NKX2-4: variants seen among roughly 807,000 people sequenced by gnomAD.
NKX2-4 encodes NK2 homeobox 4.
Under a neutral mutation model 8.6 loss-of-function variants are expected in NKX2-4, and 6 were observed. The ratio of observed to expected loss-of-function variants is 0.70; its 90% CI spans 0.38 to 1.38. NKX2-4 has a LOEUF of 1.38. Ranked by LOEUF, NKX2-4 falls within the 40% of genes most tolerant of loss-of-function variation. The probability of loss-of-function intolerance (pLI) is 0.02; values close to 1 mark genes in which losing one functional copy is unlikely to be tolerated. For synonymous variants in NKX2-4, 299 were observed against 272.6 expected (o/e 1.10, Z -0.95); for missense variants, 601 against 548.4 (o/e 1.10, Z -0.96).
In NKX2-4 at chr20:21,395,896, G is replaced by T; in HGVS notation, c.*15C>A. 7.6e-7 allele frequency: 1 copy of T among 1,312,328 alleles called. No homozygotes were observed. Among genetic ancestry groups the T allele is most frequent in the South Asian group, 2.8e-5 (1 of 36,208 alleles). 81.3% of individuals were successfully genotyped at this position (1,312,328 alleles called of 1,614,324 possible). On this transcript the variant is annotated 3_prime_UTR_variant, in exon 2 of 2. Transcript: ENST00000351817. ...TTCGGGTGCACCAGGACCTAGCCCC[G>T]GGGCGCCCTCGCTGTCACCACGTCC...
At position 21,396,430 on chromosome 20, in the gene NKX2-4, C is replaced by T. The variant is rs757856518; in HGVS notation, c.546G>A (p.Ala182=). ...TCCTTCGCGGAGCGGCTGCCGCCGCCGCCGCGTGCAGCGGGCCCAGCGACT... is the reference window on the plus strand; with the variant it reads ...TCCTTCGCGGAGCGGCTGCCGCCGCTGCCGCGTGCAGCGGGCCCAGCGACT... ...AAKSLGPLHA[A]AAAAAPRRKR... is the part of the protein sequence containing the mutation. Residue 182 remains alanine, a synonymous_variant, in exon 2 of 2, where the codon GCG becomes GCA. Transcript: ENST00000351817. 31 of 1,518,572 alleles carry T rather than the reference C, an allele frequency of 2.0e-5. No individual in the cohort carries two copies. Among genetic ancestry groups the T allele is most frequent in the East Asian group, 2.6e-5 (1 of 38,168 alleles). The allele number at this position is 1,518,572 out of a possible 1,614,324, so 94.1% of individuals were successfully genotyped here.
chr20:21,396,148 C>G lies in NKX2-4; in HGVS notation c.828G>C (p.Ala276=), dbSNP rs1168331057. The G allele has an allele frequency of 2.0e-6, 3 of 1,467,316 alleles. No homozygotes were observed. The highest frequency in any genetic ancestry group is 1.4e-5 in the South Asian group (1 of 73,218). 90.9% of individuals were successfully genotyped at this position (1,467,316 alleles called of 1,614,324 possible). ...PPPPPSPRRV[A]VPVLVKDGKP... is the part of the protein sequence containing the mutation. ...TGCCGTCCTTGACCAGCACAGGCAC[C>G]GCCACGCGGCGCGGGGACGGCGGCG... Residue 276 remains alanine, a synonymous_variant, in exon 2 of 2, where the codon GCG becomes GCC. Coordinates refer to ENST00000351817, the MANE Select transcript of NKX2-4 (RefSeq NM_033176.2).
Position 21,397,379 on chromosome 20 carries a change from G to C in NKX2-4, c.21C>G (p.His7Gln), listed in dbSNP as rs368288200. 5.6e-6 allele frequency: 8 copies of C among 1,439,750 alleles called. No individual in the cohort carries two copies. Among genetic ancestry groups the C allele is most frequent in the Non-Finnish European group, 7.3e-6 (8 of 1,095,190 alleles). The allele number at this position is 1,439,750 out of a possible 1,614,324, so 89.2% of individuals were successfully genotyped here. The change falls in exon 1 of 2, where the codon CAC becomes CAG. Residue 7 changes from histidine to glutamine, a missense_variant. By Grantham distance (24) the His-to-Gln change is conservative. Transcript: ENST00000351817. ...TGTCGGACACGGAGAAGGGCGTCGT[G>C]TGCTTTGGGCTCAACGACATGGCTC... MSLSPK[H>Q]TTPFSVSDIL...
At position 21,397,481 on chromosome 20, in the gene NKX2-4, G is replaced by A. The variant is rs1458308845; in HGVS notation, c.-82C>T. On this transcript the variant is annotated 5_prime_UTR_variant, in exon 1 of 2. Transcript: ENST00000351817. ...GCCGCTCGTCGCCGCCACCTCGGCC[G>A]CGGCAGCTGAGCCTGTGACGAGGAG... 5.7e-6 allele frequency: 7 copies of A among 1,225,522 alleles called. No individual in the cohort carries two copies. The highest frequency in any genetic ancestry group is 7.1e-6 in the Non-Finnish European group (7 of 987,508). 75.9% of individuals were successfully genotyped at this position (1,225,522 alleles called of 1,614,324 possible).
In NKX2-4 at chr20:21,396,157, G is replaced by C; in HGVS notation, c.819C>G (p.Arg273=). 1 of 1,479,822 alleles carries C rather than the reference G, an allele frequency of 6.8e-7. No individual in the cohort carries two copies. The allele number at this position is 1,479,822 out of a possible 1,614,324, so 91.7% of individuals were successfully genotyped here. A position where few individuals can be genotyped will look rare whatever the true frequency, so the allele number is the denominator to read the frequency against. The stretch of plus-strand genomic sequence containing the variant: ...TGACCAGCACAGGCACCGCCACGCG[G>C]CGCGGGGACGGCGGCGGAGGCGGCG... ...GPPPPPPPSP[R]RVAVPVLVKD... is the part of the protein sequence containing the mutation. Residue 273 remains arginine (R), a synonymous_variant, in exon 2 of 2, where the codon CGC becomes CGG. Coordinates refer to ENST00000351817, the MANE Select transcript of NKX2-4 (RefSeq NM_033176.2).
rs2039038662 is a variant in NKX2-4, at chr20:21,397,419, TA to T, written c.-21del. 7.5e-7 allele frequency: 1 copy of T among 1,341,300 alleles called. No homozygotes were observed. Among genetic ancestry groups the T allele is most frequent in the Admixed American group, 3.0e-5 (1 of 32,794 alleles). 83.1% of individuals were successfully genotyped at this position (1,341,300 alleles called of 1,614,324 possible). On this transcript the variant is annotated 5_prime_UTR_variant, in exon 1 of 2. Transcript: ENST00000351817. ...CGACATGGCTCGGCGGGCAGCCAGG[TA>T]GGGGGGCCTGGGGCGCGCGCCGGCA...
rs1185119194 is a variant in NKX2-4, at chr20:21,396,426, C to G, written c.550G>C (p.Ala184Pro). The G allele has an allele frequency of 6.6e-7, 1 of 1,521,584 alleles. No homozygotes were observed. Among genetic ancestry groups the G allele is most frequent in the Non-Finnish European group, 8.8e-7 (1 of 1,142,562 alleles). 94.3% of individuals were successfully genotyped at this position (1,521,584 alleles called of 1,614,324 possible). The change falls in exon 2 of 2, where the codon GCG becomes CCG. Residue 184 changes from alanine to proline, a missense_variant. Transcript: ENST00000351817. ...KSLGPLHAAA[A>P]AAAPRRKRRV... The stretch of plus-strand genomic sequence containing the variant: ...CGCTTCCTTCGCGGAGCGGCTGCCG[C>G]CGCCGCCGCGTGCAGCGGGCCCAGC...
rs2039036699 is a variant in NKX2-4, at chr20:21,397,318, T to C, written c.82A>G (p.Ser28Gly). The stretch of plus-strand genomic sequence containing the variant: ...GGTGGCGCGCCGTCCATGGCGCCGC[T>C]GAACTTCTTGTAGGTCTCCTCGATG... ...SPIEETYKKF[S>G]GAMDGAPPGL... is the part of the protein sequence containing the mutation. The change falls in exon 1 of 2, where the codon AGC becomes GGC. Residue 28 changes from serine (S) to glycine (G), a missense_variant. Physicochemically the swap from Ser to Gly is moderately conservative, Grantham distance 56. Transcript: ENST00000351817. 2 of 1,392,458 alleles carry C rather than the reference T, an allele frequency of 1.4e-6. No homozygotes were observed. The highest frequency in any genetic ancestry group is 1.9e-6 in the Non-Finnish European group (2 of 1,072,770). 86.3% of individuals were successfully genotyped at this position (1,392,458 alleles called of 1,614,324 possible). A position where few individuals can be genotyped will look rare whatever the true frequency, so the allele number is the denominator to read the frequency against.
At position 21,396,474 on chromosome 20, in the gene NKX2-4, C is replaced by G. The variant is rs759268126; in HGVS notation, c.502G>C (p.Gly168Arg). Residue 168 changes from glycine (G) to arginine (R), a missense_variant, in exon 2 of 2, where the codon GGC (glycine) becomes CGC (arginine). Coordinates refer to ENST00000351817, the MANE Select transcript of NKX2-4 (RefSeq NM_033176.2). ...AGCGACTTGGCGGCGTCCGCGATGCCGGTCAGCGACCCCATGCCGGCCACA... is the reference window on the plus strand; with the variant it reads ...AGCGACTTGGCGGCGTCCGCGATGCGGGTCAGCGACCCCATGCCGGCCACA... The part of the protein sequence containing the change: ...VNVAGMGSLT[G>R]IADAAKSLGP... 8.1e-6 allele frequency: 12 copies of G among 1,478,632 alleles called. No homozygotes were observed. Among genetic ancestry groups the G allele is most frequent in the South Asian group, 4.0e-5 (3 of 74,810 alleles). 91.6% of individuals were successfully genotyped at this position (1,478,632 alleles called of 1,614,324 possible).
chr20:21,396,186 G>A lies in NKX2-4; in HGVS notation c.790C>T (p.Pro264Ser). The part of the protein sequence containing the change: ...QQLQQEGGLG[P>S]PPPPPPSPRR... Reference sequence around the variant, plus strand: ...GGGGACGGCGGCGGAGGCGGCGGCGGGCCCAGGCCGCCCTCCTGCTGCAGC... The same window carrying A: ...GGGGACGGCGGCGGAGGCGGCGGCGAGCCCAGGCCGCCCTCCTGCTGCAGC... The change falls in exon 2 of 2, where the codon CCG becomes TCG. Residue 264 changes from proline to serine, a missense_variant. Transcript: ENST00000351817. 1 of 1,526,894 alleles carries A rather than the reference G, an allele frequency of 6.5e-7. No homozygotes were observed. The highest frequency in any genetic ancestry group is 2.6e-5 in the East Asian group (1 of 37,888). The allele number at this position is 1,526,894 out of a possible 1,614,324, so 94.6% of individuals were successfully genotyped here. A position where few individuals can be genotyped will look rare whatever the true frequency, so the allele number is the denominator to read the frequency against.
Position 21,396,979 on chromosome 20 carries a change from G to C in NKX2-4, c.421C>G (p.Pro141Ala), listed in dbSNP as rs1472645430. 2 of 1,478,516 alleles carry C rather than the reference G, an allele frequency of 1.4e-6. No individual in the cohort carries two copies. Among genetic ancestry groups the C allele is most frequent in the Admixed American group, 4.5e-5 (2 of 44,194 alleles). The allele number at this position is 1,478,516 out of a possible 1,614,324, so 91.6% of individuals were successfully genotyped here. Residue 141 changes from proline to alanine, a missense_variant, in exon 1 of 2, where the codon CCG becomes GCG. Pro to Ala is a conservative substitution (Grantham distance 27). Coordinates refer to ENST00000351817, the MANE Select transcript of NKX2-4 (RefSeq NM_033176.2). ...TCACTTGACGAGTAGCGTGGGTCCG[G>C]GTTGGCGCCGTACCAGCCGGTGGCC... ...GAATGWYGAN[P>A]DPRYSSISRF...
Position 21,397,508 on chromosome 20 carries a change from C to G in NKX2-4, c.-109G>C. On this transcript the variant is annotated 5_prime_UTR_variant, in exon 1 of 2. Transcript: ENST00000351817. ...GGCAGCTGAGCCTGTGACGAGGAGT[C>G]GGCGGCTCGGCGAGCCCCCCGGGCT... The G allele has an allele frequency of 8.4e-7, 1 of 1,187,164 alleles. No individual in the cohort carries two copies. The highest frequency in any genetic ancestry group is 1.6e-5 in the African/African-American group (1 of 62,304). The allele number at this position is 1,187,164 out of a possible 1,614,324, so 73.5% of individuals were successfully genotyped here.
Position 21,395,929 on chromosome 20 carries a change from G to A in NKX2-4, c.1047C>T (p.Leu349=). The A allele has an allele frequency of 7.5e-7, 1 of 1,338,088 alleles. No individual in the cohort carries two copies. The highest frequency in any genetic ancestry group is 2.4e-5 in the South Asian group (1 of 41,746). The allele number at this position is 1,338,088 out of a possible 1,614,324, so 82.9% of individuals were successfully genotyped here. The change falls in exon 2 of 2, where the codon CTC becomes CTT. Residue 349 remains leucine (L), a synonymous_variant. Transcript: ENST00000351817. ...YSGGVLGANL[L]YGRTW is the part of the protein sequence containing the mutation. ...CTCGCTGTCACCACGTCCTGCCATA[G>A]AGCAGGTTGGCGCCCAGGACGCCGC...
chr20:21,395,970 CGGCCGCGTCCAGGG>C lies in NKX2-4; in HGVS notation c.992_1005del (p.Ala331GlyfsTer28). Reference sequence around the variant, plus strand: ...AGGACGCCGCCGCTGTACTCCCCGGCGGCCGCGTCCAGGGCCGCCAGGCCGCCCCCCGGGCCGTG... The same window carrying C: ...AGGACGCCGCCGCTGTACTCCCCGGCCCGCCAGGCCGCCCCCCGGGCCGTG... On this transcript the variant is annotated frameshift_variant, in exon 2 of 2. Coordinates refer to ENST00000351817, the MANE Select transcript of NKX2-4 (RefSeq NM_033176.2). LOFTEE classifies it high-confidence loss of function. 1 of 1,316,418 alleles carries C rather than the reference CGGCCGCGTCCAGGG, an allele frequency of 7.6e-7. No individual in the cohort carries two copies. The highest frequency in any genetic ancestry group is 9.7e-7 in the Non-Finnish European group (1 of 1,033,012). The allele number at this position is 1,316,418 out of a possible 1,614,324, so 81.5% of individuals were successfully genotyped here.
chr20:21,396,971 T>C lies in NKX2-4; in HGVS notation c.429A>G (p.Pro143=). The C allele has an allele frequency of 6.8e-7, 1 of 1,466,238 alleles. No individual in the cohort carries two copies. Among genetic ancestry groups the C allele is most frequent in the Non-Finnish European group, 9.0e-7 (1 of 1,112,340 alleles). 90.8% of individuals were successfully genotyped at this position (1,466,238 alleles called of 1,614,324 possible). The stretch of plus-strand genomic sequence containing the variant: ...GGCCCCTCTCACTTGACGAGTAGCG[T>C]GGGTCCGGGTTGGCGCCGTACCAGC... ...ATGWYGANPD[P]RYSSISRFMG... Residue 143 remains proline (P), a synonymous_variant, in exon 1 of 2, where the codon CCA becomes CCG. Coordinates refer to ENST00000351817, the MANE Select transcript of NKX2-4 (RefSeq NM_033176.2).
chr20:21,395,507 GA>G lies in NKX2-4; in HGVS notation c.*403del, dbSNP rs1314482492. The stretch of plus-strand genomic sequence containing the variant: ...TGAAATTGCACTTAGGGGGCCCTTC[GA>G]AAATTAATCTCCCAAGATAAATTCC... On this transcript the variant is annotated 3_prime_UTR_variant, in exon 2 of 2. Coordinates refer to ENST00000351817, the MANE Select transcript of NKX2-4 (RefSeq NM_033176.2). 6.4e-6 allele frequency: 1 copy of G among 155,818 alleles called. No homozygotes were observed. The highest frequency in any genetic ancestry group is 6.5e-5 in the Admixed American group (1 of 15,376). 9.7% of individuals were successfully genotyped at this position (155,818 alleles called of 1,614,324 possible).
At position 21,397,308 on chromosome 20, in the gene NKX2-4, A is replaced by T; in HGVS notation, c.92T>A (p.Met31Lys). The T allele has an allele frequency of 7.4e-7, 1 of 1,359,292 alleles. No homozygotes were observed. Among genetic ancestry groups the T allele is most frequent in the South Asian group, 2.0e-5 (1 of 50,398 alleles). The allele number at this position is 1,359,292 out of a possible 1,614,324, so 84.2% of individuals were successfully genotyped here. Reference sequence around the variant, plus strand: ...CCCCAGGCCGGGTGGCGCGCCGTCCATGGCGCCGCTGAACTTCTTGTAGGT... The same window carrying T: ...CCCCAGGCCGGGTGGCGCGCCGTCCTTGGCGCCGCTGAACTTCTTGTAGGT... ...EETYKKFSGAMDGAPPGLGAP... is the reference protein window; with the variant it reads ...EETYKKFSGAKDGAPPGLGAP... The change falls in exon 1 of 2, where the codon ATG becomes AAG. Residue 31 changes from methionine (M) to lysine (K), a missense_variant. Coordinates refer to ENST00000351817, the MANE Select transcript of NKX2-4 (RefSeq NM_033176.2).
At position 21,395,723 on chromosome 20, in the gene NKX2-4, GT is replaced by G. The variant is rs1183026782; in HGVS notation, c.*187del. On this transcript the variant is annotated 3_prime_UTR_variant, in exon 2 of 2. Transcript: ENST00000351817. ...TCGTGGCATAATGTTACACTACTCGGTTTCCGGGCTGTCGCTGTCCCCCGCC... is the reference window on the plus strand; with the variant it reads ...TCGTGGCATAATGTTACACTACTCGGTTCCGGGCTGTCGCTGTCCCCCGCC... 2 of 408,056 alleles carry G rather than the reference GT, an allele frequency of 4.9e-6. No homozygotes were observed. The highest frequency in any genetic ancestry group is 4.1e-5 in the African/African-American group (2 of 48,494). 25.3% of individuals were successfully genotyped at this position (408,056 alleles called of 1,614,324 possible). A position where few individuals can be genotyped will look rare whatever the true frequency, so the allele number is the denominator to read the frequency against.
Position 21,396,495 on chromosome 20 carries a change from C to A in NKX2-4, c.481G>T (p.Ala161Ser), listed in dbSNP as rs1320650509. The change falls in exon 2 of 2, where the codon GCC becomes TCC. Residue 161 changes from alanine to serine, a missense_variant. Coordinates refer to ENST00000351817, the MANE Select transcript of NKX2-4 (RefSeq NM_033176.2). ...ATGCCGGTCAGCGACCCCATGCCGG[C>A]CACATTCACGCCCGCCGACGGCCCC... Reference protein sequence around the residue: ...FMGPSAGVNVAGMGSLTGIAD... With the variant: ...FMGPSAGVNVSGMGSLTGIAD... 6.9e-7 allele frequency: 1 copy of A among 1,454,154 alleles called. No individual in the cohort carries two copies. Among genetic ancestry groups the A allele is most frequent in the East Asian group, 2.7e-5 (1 of 36,514 alleles). The allele number at this position is 1,454,154 out of a possible 1,614,324, so 90.1% of individuals were successfully genotyped here.
Sources: gnomAD v4.1 joint callset for allele counts on GRCh38, gnomAD v4.1.1 for gene constraint, MANE v1.5 for transcripts, NCBI Gene and HGNC (gene_info 2026-07-23, HGNC 2026-07-21) for gene names.